Variants in ERC2 observed in about 807,000 individuals in gnomAD.
ERC2 encodes the protein ELKS/RAB6-interacting/CAST family member 2, also known as ERC protein 2.
In ERC2, 42 loss-of-function variants were observed where a neutral mutation model predicts 114.8. The observed-to-expected ratio is 0.37, with a 90% CI of 0.29 to 0.47. The LOEUF (loss-of-function observed/expected upper bound fraction) is 0.47, where lower values mean the gene tolerates loss of function less well. Among genes scored for constraint, ERC2 ranks in the 20% least tolerant of loss-of-function variants. The pLI, the probability that ERC2 is intolerant of heterozygous loss-of-function variation, is 0.99. For synonymous variants in ERC2, 454 were observed against 425.5 expected (o/e 1.07, Z -0.82); for missense variants, 939 against 1,150.7 (o/e 0.82, Z 2.66).
chr3:55,649,897 C>T (rs1230231751), intron 17 of ERC2, among the ~76,000 whole-genome samples: 2 of 152,164 alleles, frequency 1.3e-5, no homozygotes, highest in Non-Finnish European at 2.9e-5. Flanking sequence ...TGATGGGGAA[C>T]GGATTTTTAA....
chr3:56,095,969 C>T (rs1370377597), intron 6 of ERC2, among the ~76,000 whole-genome samples: 2 of 152,168 alleles, frequency 1.3e-5, no homozygotes, highest in Admixed American at 6.5e-5. Context: ...CTTAACCTTC[C>T]ACTTACTCAC....
intron 14 of ERC2, among the ~76,000 whole-genome samples, chr3:55,855,460 C>T (rs1166008040): frequency 6.6e-6 from 1 of 152,080 alleles, no homozygotes; most frequent in Non-Finnish European, 1.5e-5. Flanking sequence ...AAAATTAGAC[C>T]CCAAATCCAG....
chr3:56,430,307 G>C (rs2061737944), intron 2 of ERC2, among the ~76,000 whole-genome samples: 2 of 151,984 alleles, frequency 1.3e-5, no homozygotes, highest in Admixed American at 6.6e-5. Context: ...CCTTTAAAAG[G>C]AAATTAAGTT....
chr3:56,062,090 T>A (rs1490371482), intron 7 of ERC2, among the ~76,000 whole-genome samples: 1 of 152,190 alleles, frequency 6.6e-6, no homozygotes, highest in Admixed American at 6.5e-5. Context: ...GATAACTATT[T>A]TATATAGATT....
chr3:56,279,219 A>G (rs1394658169), intron 3 of ERC2, among the ~76,000 whole-genome samples: 1 of 152,214 alleles, frequency 6.6e-6, no homozygotes, highest in Non-Finnish European at 1.5e-5. Flanking sequence ...TTGGGTTTTT[A>G]TCATATACTA....
At chr3:55,572,111 A>G (rs1208206327) in intron 17 of ERC2, among the ~76,000 whole-genome samples, 1 of 152,314 alleles carries the variant, frequency 6.6e-6, no homozygotes, top group South Asian at 2.1e-4. Context: ...GTGAAGGGGC[A>G]TTTCCTGGCT....
At chr3:56,404,713 T>A (rs918385616) in intron 2 of ERC2, among the ~76,000 whole-genome samples, 1 of 138,944 alleles carries the variant, frequency 7.2e-6, no homozygotes, top group African/African-American at 3.2e-5. Context: ...CCCATAAAAA[T>A]TTTTTTTAAT....
chr3:56,048,062 TAAG>T, intron 7 of ERC2, among the ~76,000 whole-genome samples: 1 of 152,318 alleles, frequency 6.6e-6, no homozygotes, highest in Admixed American at 6.5e-5. Context: ...AACAAATTAA[TAAG>T]AACAATTTTT....
At chr3:55,960,490 A>T (rs1274393084) in intron 12 of ERC2, among the ~76,000 whole-genome samples, 1 of 152,146 alleles carries the variant, frequency 6.6e-6, no homozygotes, top group African/African-American at 2.4e-5. Context: ...TTGGGCATCA[A>T]ATGCAAGGAT....
intron 1 of ERC2, among the ~76,000 whole-genome samples, chr3:56,467,621 A>C (rs2063607948): frequency 6.6e-6 from 1 of 151,990 alleles, no homozygotes; most frequent in Admixed American, 6.6e-5. Context: ...GATGGGGAGG[A>C]GGAGAGAAGG....
chr3:56,408,658 T>C (rs2060819453), intron 2 of ERC2, among the ~76,000 whole-genome samples: 1 of 152,170 alleles, frequency 6.6e-6, no homozygotes, highest in African/African-American at 2.4e-5. Flanking sequence ...TTATCTATTA[T>C]TAGACAGACA....
chr3:55,809,064 T>C (rs2059616513), intron 14 of ERC2, among the ~76,000 whole-genome samples: 1 of 152,006 alleles, frequency 6.6e-6, no homozygotes, highest in African/African-American at 2.4e-5. Flanking sequence ...TCCTACAGAA[T>C]TCTATGGCTT....
chr3:56,371,280 T>C (rs2059353409), intron 2 of ERC2, among the ~76,000 whole-genome samples: 1 of 152,198 alleles, frequency 6.6e-6, no homozygotes, highest in Non-Finnish European at 1.5e-5. Flanking sequence ...AGTTTCTCTA[T>C]TCTGTGCCCC....
chr3:55,724,294 G>A (rs1457721895), intron 15 of ERC2, among the ~76,000 whole-genome samples: 1 of 152,214 alleles, frequency 6.6e-6, no homozygotes, highest in Admixed American at 6.5e-5. Flanking sequence ...AGCCAGCAGG[G>A]GCCAGGCGAG....
intron 4 of ERC2, among the ~76,000 whole-genome samples, chr3:56,165,317 T>C (rs1373760920): frequency 6.6e-6 from 1 of 151,976 alleles, no homozygotes; most frequent in African/African-American, 2.4e-5. Flanking sequence ...CATATGGCAA[T>C]AGCTTTTTTT....
At chr3:55,842,229 A>G (rs549804577) in intron 14 of ERC2, among the ~76,000 whole-genome samples, 2 of 152,348 alleles carry the variant, frequency 1.3e-5, no homozygotes, top group Non-Finnish European at 2.9e-5. Flanking sequence ...TTCCAGAGCT[A>G]GATGACTCTG....
At chr3:56,166,975 A>G (rs2082352987) in intron 4 of ERC2, among the ~76,000 whole-genome samples, 2 of 152,080 alleles carry the variant, frequency 1.3e-5, no homozygotes, top group Non-Finnish European at 2.9e-5. Context: ...TTTTAAATTT[A>G]CAATGTCTTC....
Position 56,011,361 on chromosome 3 carries a change from C to T in ERC2, c.1780-772G>A, listed in dbSNP as rs116494362. Among the ~76,000 whole-genome samples, 1,342 of 152,108 alleles carry T rather than the reference C, an allele frequency of 8.8e-3. 7 individuals carry two copies. Among genetic ancestry groups the T allele is most frequent in the Non-Finnish European group, 0.015 (1,043 of 67,994 alleles). ...AGGGCAGATCCAGTGCTCTTGGTGA[C>T]GGTGTAGAGGTGAGGAAACCCAGAG... is the stretch of plus-strand genomic sequence containing the variant. On this transcript the variant is annotated intron_variant, in intron 8 of 17. Transcript: ENST00000288221.
intron 3 of ERC2, among the ~76,000 whole-genome samples, chr3:56,198,988 G>C (rs902953025): frequency 2.0e-5 from 3 of 152,132 alleles, no homozygotes; most frequent in Non-Finnish European, 4.4e-5. Flanking sequence ...CCTGGATTAT[G>C]GCTCAGTTTC....
Sources: allele counts gnomAD v4.1 joint callset (sites outside exome capture counted in the v4.1 genomes callset), GRCh38; gene constraint gnomAD v4.1.1; transcripts MANE v1.5; gene names NCBI Gene and HGNC (gene_info 2026-07-23, HGNC 2026-07-21).